Variants in DPYSL3 observed in about 807,000 individuals in gnomAD.
The protein encoded by DPYSL3 is dihydropyrimidinase like 3, also known as dihydropyrimidinase-related protein 3.
Under a neutral mutation model 66.1 loss-of-function variants are expected in DPYSL3, and 16 were observed. The observed-to-expected ratio is 0.24, with a 90% CI of 0.16 to 0.37. The LOEUF is 0.37. Ranked by LOEUF, DPYSL3 falls within the 10% of genes least tolerant of loss-of-function variation. The pLI, the probability that DPYSL3 is intolerant of heterozygous loss-of-function variation, is 1.00. For synonymous variants in DPYSL3, 338 were observed against 345.1 expected (o/e 0.98, Z 0.23); for missense variants, 738 against 916.2 (o/e 0.81, Z 2.51).
chr5:147,432,888 C>T (rs999952593), intron 1 of DPYSL3, among the ~76,000 whole-genome samples: 7 of 152,166 alleles, frequency 4.6e-5, no homozygotes, highest in African/African-American at 1.4e-4. Flanking sequence ...AAAAACATCA[C>T]TAAATTTTGT....
intron 1 of DPYSL3, among the ~76,000 whole-genome samples, chr5:147,472,194 A>T (rs1271039690): frequency 1.3e-5 from 2 of 152,220 alleles, no homozygotes; most frequent in African/African-American, 4.8e-5. Flanking sequence ...ATCCTAGAAA[A>T]TAGGTTTGGG....
chr5:147,497,344 T>A (rs1753534613), intron 1 of DPYSL3, among the ~76,000 whole-genome samples: 2 of 151,968 alleles, frequency 1.3e-5, no homozygotes, highest in African/African-American at 4.8e-5. Context: ...GGCACATGTA[T>A]ACATATGTAA....
At chr5:147,441,558 T>C (rs1244520151) in intron 1 of DPYSL3, among the ~76,000 whole-genome samples, 3 of 152,002 alleles carry the variant, frequency 2.0e-5, no homozygotes. Flanking sequence ...TAATTCACTC[T>C]CCCCCTCACT....
intron 1 of DPYSL3, among the ~76,000 whole-genome samples, chr5:147,450,259 C>T (rs532112002): frequency 3.7e-4 from 56 of 152,060 alleles, no homozygotes; most frequent in African/African-American, 1.2e-3. Context: ...AAGGATTCAA[C>T]GAAACAAGGC....
At chr5:147,459,101 A>C (rs1327380636) in intron 1 of DPYSL3, among the ~76,000 whole-genome samples, 1 of 149,370 alleles carries the variant, frequency 6.7e-6, no homozygotes, top group South Asian at 2.1e-4. Flanking sequence ...GAAAAGGGGG[A>C]GATTGACTGA....
At chr5:147,441,806 T>C (rs1752537558) in intron 1 of DPYSL3, among the ~76,000 whole-genome samples, 1 of 152,178 alleles carries the variant, frequency 6.6e-6, no homozygotes, top group Non-Finnish European at 1.5e-5. Flanking sequence ...GGCTGTTTTT[T>C]CCCACAATTT....
chr5:147,408,596 T>C, intron 7 of DPYSL3, 132 bp downstream of exon 7: 1 of 892,936 alleles, frequency 1.1e-6, no homozygotes, highest in East Asian at 2.5e-5. Context: ...CACGGGCTCC[T>C]GAGTTAGAGT....
In DPYSL3 at chr5:147,414,638, T is replaced by A. The variant is rs1432854; in HGVS notation, c.821-981A>T. On this transcript the variant is annotated intron_variant, in intron 4 of 13. Coordinates refer to ENST00000343218, the MANE Select transcript of DPYSL3 (RefSeq NM_001197294.2). ...CCAGGCTCTTTGATAAAGAAGTGAG[T>A]GTTAAAGCCGTTCGATTTTCTACGC... is the stretch of plus-strand genomic sequence containing the variant. 0.014 allele frequency among the ~76,000 whole-genome samples: 2,126 copies of A among 152,198 alleles called. 133 individuals carry two copies. In the East Asian group the frequency reaches 0.19, roughly 14 times the overall value.
intron 1 of DPYSL3, among the ~76,000 whole-genome samples, chr5:147,495,733 T>C (rs1753493028): frequency 6.6e-6 from 1 of 152,094 alleles, no homozygotes; most frequent in Non-Finnish European, 1.5e-5. Context: ...AAACCACTGC[T>C]CAATGAAATA....
Position 147,395,622 on chromosome 5 carries a change from C to T in DPYSL3, c.1903G>A (p.Gly635Ser). Residue 635 changes from glycine to serine, a missense_variant, in exon 13 of 14, where the codon GGC becomes AGC. Physicochemically the swap from Gly to Ser is moderately conservative, Grantham distance 56. Coordinates refer to ENST00000343218, the MANE Select transcript of DPYSL3 (RefSeq NM_001197294.2). ...KGGTPAGSAR[G>S]SPTRPNPPVR... is the part of the protein sequence containing the mutation. ...GGTGGGTTCGGCCGAGTAGGAGAGC[C>T]CCGAGCAGAGCCTGCGGGGGTGCCA... 1 of 1,614,054 alleles carries T rather than the reference C, an allele frequency of 6.2e-7. No individual in the cohort carries two copies. The highest frequency in any genetic ancestry group is 8.5e-7 in the Non-Finnish European group (1 of 1,180,032).
At chr5:147,503,759 G>A (rs1213840876) in intron 1 of DPYSL3, among the ~76,000 whole-genome samples, 1 of 152,190 alleles carries the variant, frequency 6.6e-6, no homozygotes, top group African/African-American at 2.4e-5. Context: ...GGACCATTTG[G>A]TCTAGCCCAT....
chr5:147,392,496 C>T lies in DPYSL3; in HGVS notation c.*1539G>A, dbSNP rs542218190. On this transcript the variant is annotated 3_prime_UTR_variant, in exon 14 of 14. Transcript: ENST00000343218. ...CACTTAGTACACAGGGTTACAGGTG[C>T]TACCACTTGGATTCCCCAGAGCATG... 7.2e-5 allele frequency: 11 copies of T among 152,342 alleles called. No individual in the cohort carries two copies. The South Asian group carries it at 2.3e-3, about 32-fold the overall frequency. 9.4% of individuals were successfully genotyped at this position (152,342 alleles called of 1,614,324 possible).
At chr5:147,423,647 A>C (rs907920605) in intron 2 of DPYSL3, among the ~76,000 whole-genome samples, 2 of 152,184 alleles carry the variant, frequency 1.3e-5, no homozygotes, top group Non-Finnish European at 2.9e-5. Context: ...TTACTCTCAA[A>C]GGAGACTAAC....
At chr5:147,502,380 C>CACAT (rs1753624964) in intron 1 of DPYSL3, among the ~76,000 whole-genome samples, 1 of 148,506 alleles carries the variant, frequency 6.7e-6, no homozygotes, top group Admixed American at 6.7e-5. Context: ...CACAGATACA[C>CACAT]ACACACACAC....
At chr5:147,399,409 G>A (rs887729293) in intron 10 of DPYSL3, among the ~76,000 whole-genome samples, 157 bp from the exon 11 acceptor site, 1 of 152,200 alleles carries the variant, frequency 6.6e-6, no homozygotes, top group African/African-American at 2.4e-5. Flanking sequence ...CAGCAAGCTC[G>A]AATTAGCTGG....
chr5:147,426,110 GAAAT>G (rs1461327880), intron 1 of DPYSL3, among the ~76,000 whole-genome samples: 4 of 152,060 alleles, frequency 2.6e-5, no homozygotes, highest in Non-Finnish European at 5.9e-5. Flanking sequence ...TGGCAATAGA[GAAAT>G]AAAGTAAACA....
chr5:147,410,256 G>A (rs1479278914), intron 6 of DPYSL3, among the ~76,000 whole-genome samples: 1 of 152,160 alleles, frequency 6.6e-6, no homozygotes, highest in Non-Finnish European at 1.5e-5. Context: ...AGCTCAAGAG[G>A]TGGCTTCCAA....
chr5:147,501,895 T>C (rs1317789306), intron 1 of DPYSL3, among the ~76,000 whole-genome samples: 1 of 152,182 alleles, frequency 6.6e-6, no homozygotes, highest in Non-Finnish European at 1.5e-5. Flanking sequence ...AAGTACTCTC[T>C]GTACTTTCCA....
intron 1 of DPYSL3, among the ~76,000 whole-genome samples, chr5:147,496,008 G>A (rs1245701707): frequency 6.6e-6 from 1 of 152,108 alleles, no homozygotes; most frequent in Non-Finnish European, 1.5e-5. Context: ...ATACTACAAG[G>A]CTACAGTAAC....
Sources: allele counts gnomAD v4.1 joint callset (sites outside exome capture counted in the v4.1 genomes callset), GRCh38; gene constraint gnomAD v4.1.1; transcripts MANE v1.5; gene names NCBI Gene and HGNC (gene_info 2026-07-23, HGNC 2026-07-21).